Variants in KCNAB1 observed in about 807,000 individuals in gnomAD.
KCNAB1 encodes voltage-gated potassium channel subunit beta-1.
KCNAB1 carries 35 observed loss-of-function variants against 64.6 expected under a neutral mutation model. The observed-to-expected ratio is 0.54, with a 90% CI of 0.41 to 0.72. KCNAB1 has a LOEUF of 0.72. KCNAB1 is among the 30% of genes least tolerant of loss of function. KCNAB1 has a pLI of 0.00. For missense variants in KCNAB1, 401 were observed against 512.9 expected, an observed-to-expected ratio of 0.78 and a Z score of 2.11; for synonymous variants, 177 against 183.8, an observed-to-expected ratio of 0.96 and a Z score of 0.30.
chr3:156,130,514 T>C (rs1713933709), intron 1 of KCNAB1, among the ~76,000 whole-genome samples: 1 of 152,250 alleles, frequency 6.6e-6, no homozygotes, highest in Admixed American at 6.5e-5. Context: ...TTTTATGATC[T>C]TCACTTTGTG....
intron 8 of KCNAB1, 38 bp from the exon 9 acceptor site, chr3:156,514,326 A>G (rs1717416110): frequency 1.3e-6 from 2 of 1,530,096 alleles, no homozygotes; most frequent in Non-Finnish European, 1.8e-6. Flanking sequence ...TGAAAAGTAG[A>G]CAAATTCATG....
In KCNAB1 at chr3:156,258,290, C is replaced by T. The variant is rs191735449; in HGVS notation, c.275+137404C>T. On this transcript the variant is annotated intron_variant, in intron 1 of 13. Coordinates refer to ENST00000490337, the MANE Select transcript of KCNAB1 (RefSeq NM_172160.3). ...TTTCAGAAGAAAGGAGAAGCCTGGA[C>T]AGGCCAAAAGAACAGACTGGGTCAT... 4.4e-3 allele frequency among the ~76,000 whole-genome samples: 666 copies of T among 152,322 alleles called. 4 individuals are homozygous for T. Among genetic ancestry groups the T allele is most frequent in the Non-Finnish European group, 6.6e-3 (448 of 68,028 alleles).
At chr3:156,279,949 T>C (rs1248328400) in intron 1 of KCNAB1, among the ~76,000 whole-genome samples, 25 of 150,178 alleles carry the variant, frequency 1.7e-4, no homozygotes, top group African/African-American at 6.2e-4. Context: ...TTTCTTTTGC[T>C]GTGCAGAAGC....
At chr3:156,133,706 A>G (rs1282173375) in intron 1 of KCNAB1, among the ~76,000 whole-genome samples, 1 of 152,162 alleles carries the variant, frequency 6.6e-6, no homozygotes, top group Non-Finnish European at 1.5e-5. Context: ...TTCAGGTAAA[A>G]GGGTGATTAG....
At chr3:156,301,771 A>G (rs1401220140) in intron 1 of KCNAB1, among the ~76,000 whole-genome samples, 4 of 152,340 alleles carry the variant, frequency 2.6e-5, no homozygotes, top group Middle Eastern at 6.8e-3. Context: ...ACAAGTGGAC[A>G]TTTGCCAGAG....
At chr3:156,298,900 T>C (rs988704037) in intron 1 of KCNAB1, among the ~76,000 whole-genome samples, 2 of 152,178 alleles carry the variant, frequency 1.3e-5, no homozygotes, top group African/African-American at 4.8e-5. Context: ...AATAGAGTGA[T>C]TGAGTCTGGA....
intron 1 of KCNAB1, chr3:156,291,812 T>C: frequency 3.2e-6 from 5 of 1,581,640 alleles, no homozygotes; most frequent in Non-Finnish European, 4.3e-6. Flanking sequence ...CAAGGAGGGC[T>C]TAAAAGAAAA....
In KCNAB1 at chr3:156,185,872, G is replaced by A. The variant is rs149970505; in HGVS notation, c.275+64986G>A. 2.0e-5 allele frequency among the ~76,000 whole-genome samples: 3 copies of A among 152,278 alleles called. No homozygotes were observed. The East Asian group carries it at 5.8e-4, about 29-fold the overall frequency. On this transcript the variant is annotated intron_variant, in intron 1 of 13. Transcript: ENST00000490337. ...CTAATTCAAGATTGTCAATATGCCAGTTGGTGCCTTTTGGGGGCAATGTGT... is the reference window on the plus strand; with the variant it reads ...CTAATTCAAGATTGTCAATATGCCAATTGGTGCCTTTTGGGGGCAATGTGT...
chr3:156,301,934 T>C (rs1721179876), intron 1 of KCNAB1, among the ~76,000 whole-genome samples: 1 of 152,230 alleles, frequency 6.6e-6, no homozygotes, highest in Non-Finnish European at 1.5e-5. Flanking sequence ...TGGTTTCCTC[T>C]TGCTGCTACA....
intron 1 of KCNAB1, among the ~76,000 whole-genome samples, chr3:156,263,145 T>G (rs1718521396): frequency 6.6e-6 from 1 of 151,878 alleles, no homozygotes; most frequent in African/African-American, 2.4e-5. Context: ...CTAATCTTCA[T>G]TAATTCTTTT....
chr3:156,267,706 T>C (rs1718800427), intron 1 of KCNAB1, among the ~76,000 whole-genome samples: 1 of 152,134 alleles, frequency 6.6e-6, no homozygotes, highest in African/African-American at 2.4e-5. Flanking sequence ...TTGCCCAGGT[T>C]CTTTTCTGCC....
At chr3:156,411,759 A>G (rs138164116) in intron 1 of KCNAB1, among the ~76,000 whole-genome samples, 1 of 152,294 alleles carries the variant, frequency 6.6e-6, no homozygotes, top group Non-Finnish European at 1.5e-5. Flanking sequence ...CTTTTAACAT[A>G]CACAACACTG....
At chr3:156,408,157 CT>C (rs1307390141) in intron 1 of KCNAB1, among the ~76,000 whole-genome samples, 6 of 152,094 alleles carry the variant, frequency 3.9e-5, no homozygotes. Flanking sequence ...TATTTTTCTC[CT>C]TCTCTAGGCC....
intron 1 of KCNAB1, among the ~76,000 whole-genome samples, chr3:156,364,452 C>A (rs1725816131): frequency 6.6e-6 from 1 of 152,138 alleles, no homozygotes; most frequent in Non-Finnish European, 1.5e-5. Flanking sequence ...GTGTCCCTCA[C>A]ACAGCAATGG....
intron 1 of KCNAB1, among the ~76,000 whole-genome samples, chr3:156,138,187 A>G (rs1181829460): frequency 6.6e-6 from 1 of 152,238 alleles, no homozygotes; most frequent in Non-Finnish European, 1.5e-5. Context: ...AGAAGATGGC[A>G]GTGACAGGAG....
chr3:156,357,325 A>C (rs576111209), intron 1 of KCNAB1, among the ~76,000 whole-genome samples: 1 of 152,354 alleles, frequency 6.6e-6, no homozygotes, highest in South Asian at 2.1e-4. Context: ...GAAACTTTCA[A>C]GTGGGGACAG....
At chr3:156,411,314 G>T (rs972204764) in intron 1 of KCNAB1, among the ~76,000 whole-genome samples, 5 of 151,948 alleles carry the variant, frequency 3.3e-5, no homozygotes, top group African/African-American at 1.2e-4. Context: ...CATGTAACAT[G>T]TCTTTTCATT....
intron 7 of KCNAB1, among the ~76,000 whole-genome samples, chr3:156,469,182 T>C (rs1253782574): frequency 2.0e-5 from 3 of 151,672 alleles, no homozygotes. Flanking sequence ...TCACTGCATC[T>C]CCATTGCTTT....
intron 1 of KCNAB1, among the ~76,000 whole-genome samples, chr3:156,346,964 A>C (rs546952555): frequency 7.2e-6 from 1 of 139,260 alleles, no homozygotes; most frequent in African/African-American, 3.2e-5. Context: ...TCTTACTGAG[A>C]TAGTCAAAGA....
Sources: gnomAD v4.1 joint callset for allele counts (sites outside exome capture counted in the v4.1 genomes callset) on GRCh38, gnomAD v4.1.1 for gene constraint, MANE v1.5 for transcripts, NCBI Gene and HGNC (gene_info 2026-07-23, HGNC 2026-07-21) for gene names.